Variants in ASAP1 observed in about 807,000 individuals in gnomAD.
The protein encoded by ASAP1 is arf-GAP with SH3 domain, ANK repeat and PH domain-containing protein 1.
A neutral mutation model predicts 145.2 loss-of-function variants in ASAP1; 43 were observed. The ratio of observed to expected loss-of-function variants is 0.30; its 90% CI spans 0.23 to 0.38. The LOEUF (loss-of-function observed/expected upper bound fraction) is 0.38. ASAP1 is among the 10% of genes least tolerant of loss of function. The pLI, the probability that ASAP1 is intolerant of heterozygous loss-of-function variation, is 1.00. For synonymous variants in ASAP1, 546 were observed against 515.5 expected (o/e 1.06, Z -0.80); for missense variants, 1,018 against 1,355.3 (o/e 0.75, Z 3.91).
At chr8:130,397,731 T>C (rs1172168594) in intron 2 of ASAP1, among the ~76,000 whole-genome samples, 1 of 152,224 alleles carries the variant, frequency 6.6e-6, no homozygotes, top group Non-Finnish European at 1.5e-5. Context: ...TCAAAGGGGT[T>C]GGTTGAGAAG....
At chr8:130,080,868 G>C (rs369889005) in intron 25 of ASAP1, among the ~76,000 whole-genome samples, 1 of 152,074 alleles carries the variant, frequency 6.6e-6, no homozygotes, top group Non-Finnish European at 1.5e-5. Context: ...CCTGGCCTCC[G>C]GTGATCCACC....
At chr8:130,247,046 A>C (rs139965449) in intron 3 of ASAP1, 132 of 152,306 alleles carry the variant, frequency 8.7e-4, no homozygotes, top group African/African-American at 2.9e-3. Flanking sequence ...TACAAACACA[A>C]GCTTTGAGGT....
At chr8:130,419,963 T>C (rs900296336) in intron 1 of ASAP1, among the ~76,000 whole-genome samples, 7 of 151,826 alleles carry the variant, frequency 4.6e-5, no homozygotes, top group African/African-American at 1.2e-4. Context: ...TTCTTTTTTT[T>C]TTTTTTAATA....
chr8:130,064,727 C>T (rs1427466049), intron 27 of ASAP1, among the ~76,000 whole-genome samples: 1 of 152,158 alleles, frequency 6.6e-6, no homozygotes, highest in African/African-American at 2.4e-5. Context: ...CTCAGTCCCC[C>T]AGAATGTTCC....
intron 1 of ASAP1, among the ~76,000 whole-genome samples, chr8:130,424,897 G>T (rs1829856908): frequency 6.6e-6 from 1 of 152,086 alleles, no homozygotes; most frequent in Non-Finnish European, 1.5e-5. Context: ...GGAGGCTGAG[G>T]CAGGAGAATC....
At chr8:130,210,169 A>C (rs1372072947) in intron 5 of ASAP1, among the ~76,000 whole-genome samples, 2 of 152,210 alleles carry the variant, frequency 1.3e-5, no homozygotes, top group Non-Finnish European at 2.9e-5. Context: ...ACCTCAACTA[A>C]AACAATAAAT....
chr8:130,378,831 A>T (rs1827628479), intron 2 of ASAP1, among the ~76,000 whole-genome samples: 1 of 152,234 alleles, frequency 6.6e-6, no homozygotes, highest in South Asian at 2.1e-4. Flanking sequence ...ACTTCCTTCC[A>T]ATAAATGTGC....
rs371953387 is a variant in ASAP1, at chr8:130,353,104, CT to C, written c.186+4912del. On this transcript the variant is annotated intron_variant, in intron 3 of 29. Coordinates refer to ENST00000518721, the MANE Select transcript of ASAP1 (RefSeq NM_018482.4). The stretch of plus-strand genomic sequence containing the variant: ...GTATTCCTAGGATGAATGTTCTATA[CT>C]ATTTCCCTCCCCTATGAACTGCCCC... Among the ~76,000 whole-genome samples the C allele has an allele frequency of 1.2e-3, 187 of 152,330 alleles. 3 individuals are homozygous for C. Among genetic ancestry groups the C allele is most frequent in the African/African-American group, 4.4e-3 (181 of 41,572 alleles).
chr8:130,078,996 C>A (rs541462415), intron 26 of ASAP1, among the ~76,000 whole-genome samples: 1 of 152,120 alleles, frequency 6.6e-6, no homozygotes, highest in African/African-American at 2.4e-5. Flanking sequence ...AAGTTCAAGA[C>A]CAGCTTGGGC....
chr8:130,226,714 C>T (rs1817608950), intron 4 of ASAP1, among the ~76,000 whole-genome samples: 4 of 152,194 alleles, frequency 2.6e-5, no homozygotes, highest in South Asian at 2.1e-4. Context: ...AAAAGATACT[C>T]AAAGAGTTCC....
At chr8:130,426,719 C>A (rs1293122821) in intron 1 of ASAP1, among the ~76,000 whole-genome samples, 3 of 152,220 alleles carry the variant, frequency 2.0e-5, no homozygotes, top group African/African-American at 7.2e-5. Flanking sequence ...TCCCTCAGCT[C>A]CTTTGGGTCT....
At chr8:130,416,444 A>G (rs1007374922) in intron 1 of ASAP1, among the ~76,000 whole-genome samples, 6 of 152,198 alleles carry the variant, frequency 3.9e-5, no homozygotes, top group Admixed American at 1.3e-4. Flanking sequence ...ACACACGGTC[A>G]TTTCCCATCA....
At chr8:130,125,917 CAAT>C in intron 17 of ASAP1, 36 bp downstream of exon 17, 1 of 1,571,548 alleles carries the variant, frequency 6.4e-7, no homozygotes, top group Non-Finnish European at 8.6e-7. Flanking sequence ...TTACTCATGA[CAAT>C]AATATCATTC....
chr8:130,311,008 G>T (rs1445073912), intron 3 of ASAP1, among the ~76,000 whole-genome samples: 1 of 152,206 alleles, frequency 6.6e-6, no homozygotes, highest in Non-Finnish European at 1.5e-5. Flanking sequence ...TATTGTGAAG[G>T]AGGCTTTATT....
chr8:130,187,318 A>T (rs1814800708), intron 6 of ASAP1, 33 bp from the exon 7 acceptor site: 1 of 1,547,470 alleles, frequency 6.5e-7, no homozygotes, highest in African/African-American at 1.4e-5. Flanking sequence ...TAAAATTGCA[A>T]CTACTTTTGC....
At chr8:130,156,519 C>A (rs929256307) in intron 12 of ASAP1, among the ~76,000 whole-genome samples, 14 of 152,174 alleles carry the variant, frequency 9.2e-5, no homozygotes, top group African/African-American at 3.1e-4. Context: ...TAGAGTATTT[C>A]ATCTATGTGT....
Position 130,421,406 on chromosome 8 carries a change from ACT to A in ASAP1, c.-27-19438_-27-19437del, listed in dbSNP as rs1207955493. On this transcript the variant is annotated intron_variant, in intron 1 of 29. Transcript: ENST00000518721. ...GTGGCAGCACTGCTAGTTCACCAAA[ACT>A]CTGTTTTCTCTTCCTCCTGGGTGCA... Among the ~76,000 whole-genome samples, 5 of 151,860 alleles carry A rather than the reference ACT, an allele frequency of 3.3e-5. No homozygotes were observed. The South Asian group carries it at 6.3e-4, about 19-fold the overall frequency.
chr8:130,278,404 A>T (rs546584882), intron 3 of ASAP1, among the ~76,000 whole-genome samples: 1 of 152,280 alleles, frequency 6.6e-6, no homozygotes, highest in African/African-American at 2.4e-5. Flanking sequence ...AGAAAATATG[A>T]CCCTACCTAA....
At chr8:130,430,143 C>A (rs912412327) in intron 1 of ASAP1, among the ~76,000 whole-genome samples, 1 of 152,132 alleles carries the variant, frequency 6.6e-6, no homozygotes, top group Non-Finnish European at 1.5e-5. Flanking sequence ...AAAAGCTTCT[C>A]GAATTTAGCA....
Sources: gnomAD v4.1 joint callset for allele counts (sites outside exome capture counted in the v4.1 genomes callset) on GRCh38, gnomAD v4.1.1 for gene constraint, MANE v1.5 for transcripts, NCBI Gene and HGNC (gene_info 2026-07-23, HGNC 2026-07-21) for gene names.